Variants in PROM1 observed in about 807,000 individuals in gnomAD.
PROM1 encodes the protein prominin-1.
PROM1 carries 105 observed loss-of-function variants against 116.9 expected under a neutral mutation model. The observed-to-expected ratio is 0.90, with a 90% CI of 0.77 to 1.06. The LOEUF (loss-of-function observed/expected upper bound fraction) is 1.06. Among genes scored for constraint, PROM1 ranks in the 50% least tolerant of loss-of-function variants. The probability of loss-of-function intolerance (pLI) is 0.00; values close to 1 mark genes in which losing one functional copy is unlikely to be tolerated. For missense variants in PROM1, 1,122 were observed against 1,045.2 expected (o/e 1.07, Z -1.01); for synonymous variants, 393 against 387.0 (o/e 1.02, Z -0.18).
chr4:15,974,823 C>G (rs1038580767), intron 26 of PROM1, among the ~76,000 whole-genome samples: 1 of 152,114 alleles, frequency 6.6e-6, no homozygotes, highest in Non-Finnish European at 1.5e-5. Flanking sequence ...TCATTTTCCT[C>G]CTAAACCTAG....
chr4:16,049,630 T>C (rs1485585097), intron 2 of PROM1, among the ~76,000 whole-genome samples: 1 of 152,086 alleles, frequency 6.6e-6, no homozygotes, highest in Non-Finnish European at 1.5e-5. Context: ...ATTTTTACAG[T>C]ATTTCAGCAT....
intron 2 of PROM1, among the ~76,000 whole-genome samples, chr4:16,042,706 A>G (rs1735621122): frequency 6.6e-6 from 1 of 152,248 alleles, no homozygotes; most frequent in Admixed American, 6.5e-5. Flanking sequence ...AATAACCTTT[A>G]AAAACTAGCA....
At chr4:16,024,504 A>T in intron 6 of PROM1, 146 bp from the exon 7 acceptor site, 3 of 634,460 alleles carry the variant, frequency 4.7e-6, no homozygotes, top group Non-Finnish European at 8.0e-6. Flanking sequence ...CTGCTTTCTG[A>T]CAAGTTGGAA....
intron 26 of PROM1, among the ~76,000 whole-genome samples, chr4:15,978,705 G>A (rs934374385): frequency 2.0e-5 from 3 of 152,186 alleles, no homozygotes; most frequent in East Asian, 1.9e-4. Flanking sequence ...GAAGGATCAC[G>A]CCCACTGAAG....
intron 2 of PROM1, among the ~76,000 whole-genome samples, chr4:16,047,886 T>C (rs997794452): frequency 6.6e-6 from 1 of 152,114 alleles, no homozygotes; most frequent in Admixed American, 6.5e-5. Flanking sequence ...AGGCCACACA[T>C]AGTCTCTGAG....
intron 11 of PROM1, 87 bp from the exon 12 acceptor site, chr4:16,009,195 C>G (rs1028330111): frequency 8.5e-7 from 1 of 1,178,212 alleles, no homozygotes; most frequent in Non-Finnish European, 1.2e-6. Flanking sequence ...AAGCCTGAAC[C>G]ACCTTTAGTT....
At chr4:15,988,666 GA>G (rs1328227995) in intron 19 of PROM1, among the ~76,000 whole-genome samples, 1 of 152,128 alleles carries the variant, frequency 6.6e-6, no homozygotes, top group African/African-American at 2.4e-5. Flanking sequence ...CCCTAGCTCT[GA>G]AAAGGCCAAA....
intron 2 of PROM1, among the ~76,000 whole-genome samples, chr4:16,063,556 A>G (rs1740838474): frequency 6.6e-6 from 1 of 152,242 alleles, no homozygotes; most frequent in Non-Finnish European, 1.5e-5. Context: ...AGATCTCGCC[A>G]GTGTACCCCA....
intron 8 of PROM1, 121 bp from the exon 9 acceptor site, chr4:16,018,661 A>T: frequency 1.2e-6 from 1 of 813,508 alleles, no homozygotes; most frequent in Non-Finnish European, 2.0e-6. Flanking sequence ...AGAGGGACAC[A>T]CTGCAAGGGG....
intron 2 of PROM1, among the ~76,000 whole-genome samples, chr4:16,045,487 T>C (rs1177264221): frequency 6.6e-6 from 1 of 152,178 alleles, no homozygotes; most frequent in Non-Finnish European, 1.5e-5. Flanking sequence ...TACTGAGATT[T>C]GGGCTTGTTT....
Position 15,993,953 on chromosome 4 carries a change from G to A in PROM1, c.1767+34C>T, listed in dbSNP as rs1166852920. The A allele has an allele frequency of 6.9e-6, 11 of 1,602,638 alleles. No homozygotes were observed. In the East Asian group the frequency reaches 9.0e-5, roughly 13 times the overall value. On this transcript the variant is annotated intron_variant, in intron 16 of 27. Coordinates refer to ENST00000447510, the MANE Select transcript of PROM1 (RefSeq NM_006017.3). ...AGACACCTAGATTTGGTGAAGGAAT[G>A]TGTTATGTCGATTCCATGACGAGTT... is the stretch of plus-strand genomic sequence containing the variant.
At chr4:16,035,113 G>A (rs1168998316) in intron 4 of PROM1, among the ~76,000 whole-genome samples, 2 of 152,184 alleles carry the variant, frequency 1.3e-5, no homozygotes, top group Admixed American at 6.5e-5. Context: ...ATGTGCTCAC[G>A]CTTAAGCTAA....
At chr4:16,064,364 CAA>C (rs1231270084) in intron 2 of PROM1, among the ~76,000 whole-genome samples, 3 of 152,070 alleles carry the variant, frequency 2.0e-5, no homozygotes, top group Non-Finnish European at 4.4e-5. Flanking sequence ...AGCCAGAAAC[CAA>C]AGAGTATATA....
intron 19 of PROM1, 62 bp from the exon 20 acceptor site, chr4:15,987,778 G>A (rs1326277120): frequency 7.3e-7 from 1 of 1,366,882 alleles, no homozygotes; most frequent in Middle Eastern, 1.8e-4. Flanking sequence ...CACATACCTT[G>A]TGTCCTCCCT....
At chr4:16,022,528 C>A (rs1375861651) in intron 8 of PROM1, among the ~76,000 whole-genome samples, 1 of 152,136 alleles carries the variant, frequency 6.6e-6, no homozygotes, top group Non-Finnish European at 1.5e-5. Context: ...ATAAGGCATG[C>A]CAAAAGGAAC....
Position 16,075,693 on chromosome 4 carries a change from G to C in PROM1, c.214C>G (p.Pro72Ala), listed in dbSNP as rs1158443167. The change falls in exon 2 of 28, where the codon CCA (proline) becomes GCA (alanine). Residue 72 changes from proline (P) to alanine (A), a missense_variant. Pro to Ala is a conservative substitution (Grantham distance 27). Transcript: ENST00000447510. ...CCCTGCCATCAGCACTTACCTTCTGGGAAATCACGCGGCTGTACCACATAG... is the reference window on the plus strand; with the variant it reads ...CCCTGCCATCAGCACTTACCTTCTGCGAAATCACGCGGCTGTACCACATAG... ...FLYVVQPRDF[P>A]EDTLRKFLQK... 1 of 1,611,198 alleles carries C rather than the reference G, an allele frequency of 6.2e-7. No homozygotes were observed. Among genetic ancestry groups the C allele is most frequent in the Non-Finnish European group, 8.5e-7 (1 of 1,178,518 alleles).
At chr4:16,024,503 G>A in intron 6 of PROM1, 145 bp from the exon 7 acceptor site, 1 of 644,744 alleles carries the variant, frequency 1.6e-6, no homozygotes, top group Non-Finnish European at 2.6e-6. Context: ...TCTGCTTTCT[G>A]ACAAGTTGGA....
intron 27 of PROM1, among the ~76,000 whole-genome samples, 180 bp downstream of exon 27, chr4:15,970,863 G>A (rs1463484610): frequency 3.3e-5 from 5 of 152,000 alleles, no homozygotes; most frequent in South Asian, 2.1e-4. Flanking sequence ...TGAATCAATC[G>A]GTGGATGTGG....
intron 8 of PROM1, 51 bp from the exon 9 acceptor site, chr4:16,018,591 C>A: frequency 6.6e-7 from 1 of 1,510,098 alleles, no homozygotes; most frequent in Non-Finnish European, 9.0e-7. Context: ...CCCTCCTCAT[C>A]TACAAAAGTG....
Sources: allele counts gnomAD v4.1 joint callset (sites outside exome capture counted in the v4.1 genomes callset), GRCh38; gene constraint gnomAD v4.1.1; transcripts MANE v1.5; gene names NCBI Gene and HGNC (gene_info 2026-07-23, HGNC 2026-07-21).